The following PKNOX2 variants were observed in gnomAD, a reference collection of about 807,000 sequenced individuals.
PKNOX2 encodes the protein PBX/knotted 1 homeobox 2.
A neutral mutation model predicts 53.1 loss-of-function variants in PKNOX2; 14 were observed. The observed-to-expected ratio is 0.26, with a 90% CI of 0.17 to 0.41. The LOEUF (loss-of-function observed/expected upper bound fraction) is 0.41, where lower values mean the gene tolerates loss of function less well. Ranked by LOEUF, PKNOX2 falls within the 10% of genes least tolerant of loss-of-function variation. PKNOX2 has a pLI of 1.00. For synonymous variants in PKNOX2, 257 were observed against 242.8 expected, an observed-to-expected ratio of 1.06 and a Z score of -0.54; for missense variants, 496 against 602.8, an observed-to-expected ratio of 0.82 and a Z score of 1.85.
At chr11:125,295,610 C>T (rs911523131) in intron 2 of PKNOX2, among the ~76,000 whole-genome samples, 1 of 152,252 alleles carries the variant, frequency 6.6e-6, no homozygotes, top group South Asian at 2.1e-4. Flanking sequence ...AGCAAGGAAG[C>T]TTGGGGGTGT....
chr11:125,355,122 C>G (rs1401394078), intron 4 of PKNOX2, among the ~76,000 whole-genome samples: 1 of 152,002 alleles, frequency 6.6e-6, no homozygotes, highest in African/African-American at 2.4e-5. Context: ...CAAAAAGTAG[C>G]CAGACATGGT....
At chr11:125,222,454 A>G (rs1941242727) in intron 1 of PKNOX2, among the ~76,000 whole-genome samples, 1 of 152,086 alleles carries the variant, frequency 6.6e-6, no homozygotes, top group Non-Finnish European at 1.5e-5. Context: ...TCTCACAAAA[A>G]TTCTCACCTG....
intron 2 of PKNOX2, among the ~76,000 whole-genome samples, chr11:125,317,543 C>T (rs920141910): frequency 6.6e-6 from 1 of 152,204 alleles, no homozygotes; most frequent in African/African-American, 2.4e-5. Flanking sequence ...CCTTGTACAT[C>T]TCCATCAGAG....
intron 1 of PKNOX2, among the ~76,000 whole-genome samples, chr11:125,194,790 C>T (rs1473960743): frequency 3.3e-5 from 5 of 152,114 alleles, no homozygotes; most frequent in South Asian, 4.1e-4. Context: ...AAGATGCTGC[C>T]GTCCATTGAG....
chr11:125,227,864 GGCA>G (rs1345594839), intron 1 of PKNOX2, among the ~76,000 whole-genome samples: 1 of 152,198 alleles, frequency 6.6e-6, no homozygotes, highest in Non-Finnish European at 1.5e-5. Context: ...CTGGGTCTGT[GGCA>G]CCTGCTGCAA....
chr11:125,353,945 C>T (rs1158683393), intron 4 of PKNOX2, among the ~76,000 whole-genome samples: 1 of 152,030 alleles, frequency 6.6e-6, no homozygotes, highest in Non-Finnish European at 1.5e-5. Flanking sequence ...GATGGGGGAG[C>T]TGGGGGATGC....
intron 10 of PKNOX2, among the ~76,000 whole-genome samples, chr11:125,420,108 G>T (rs558707065): frequency 4.0e-5 from 6 of 151,158 alleles, no homozygotes; most frequent in African/African-American, 1.5e-4. Context: ...GATCATTTGA[G>T]CCCAGGAGGT....
chr11:125,282,867 G>A (rs1418168860), intron 2 of PKNOX2, among the ~76,000 whole-genome samples: 1 of 152,158 alleles, frequency 6.6e-6, no homozygotes, highest in Non-Finnish European at 1.5e-5. Context: ...ATTTCACATA[G>A]CCAGCCGGGC....
intron 2 of PKNOX2, among the ~76,000 whole-genome samples, chr11:125,268,411 C>G (rs188867967): frequency 6.6e-6 from 1 of 152,192 alleles, no homozygotes; most frequent in Non-Finnish European, 1.5e-5. Context: ...GCTCCTTGAC[C>G]GCTTCACAGG....
In PKNOX2 at chr11:125,370,320, T is replaced by G. The variant is rs945754150; in HGVS notation, c.227+2335T>G. 1.5e-4 allele frequency among the ~76,000 whole-genome samples: 23 copies of G among 152,140 alleles called. No individual in the cohort carries two copies. Among genetic ancestry groups the G allele is most frequent in the African/African-American group, 5.6e-4 (23 of 41,426 alleles). ...GGAACCATGGGTTCCAAAGCCCTTC[T>G]CACAATCCCAGGCTCGTACCCTACC... On this transcript the variant is annotated intron_variant, in intron 5 of 12. Coordinates refer to ENST00000298282, the MANE Select transcript of PKNOX2 (RefSeq NM_001382323.2). This position sits in a 1 kb window ranked among gnomAD's most constrained non-coding sequence, Gnocchi z 4.1.
chr11:125,251,668 G>A (rs1299680126), intron 2 of PKNOX2, among the ~76,000 whole-genome samples: 4 of 151,656 alleles, frequency 2.6e-5, no homozygotes, highest in South Asian at 2.1e-4. Context: ...TCTGAGGTCC[G>A]CCTGCCTTTC....
At chr11:125,264,576 G>T (rs868445603) in intron 2 of PKNOX2, among the ~76,000 whole-genome samples, 2 of 152,196 alleles carry the variant, frequency 1.3e-5, no homozygotes, top group Middle Eastern at 3.4e-3. Context: ...ATTCTCGGGT[G>T]GGGTGGCGGG....
At chr11:125,333,674 G>A (rs1409432954) in intron 3 of PKNOX2, among the ~76,000 whole-genome samples, 1 of 152,130 alleles carries the variant, frequency 6.6e-6, no homozygotes, top group East Asian at 1.9e-4. Context: ...GGTGCAACTG[G>A]CAAGGACAAT....
intron 2 of PKNOX2, among the ~76,000 whole-genome samples, chr11:125,300,350 ATT>A (rs1405508866): frequency 4.6e-5 from 7 of 152,242 alleles, no homozygotes; most frequent in African/African-American, 1.4e-4. Context: ...TGCTAAACAC[ATT>A]ACATGTATTA....
At chr11:125,335,490 A>T (rs558187922) in intron 3 of PKNOX2, among the ~76,000 whole-genome samples, 1 of 150,244 alleles carries the variant, frequency 6.7e-6, no homozygotes, top group South Asian at 2.1e-4. Context: ...TTGGATTCTC[A>T]CTCCCCTCTC....
At chr11:125,243,329 T>C (rs56210320) in intron 2 of PKNOX2, among the ~76,000 whole-genome samples, 44,421 of 151,902 alleles carry the variant, frequency 0.29, 6,734 homozygotes, top group Non-Finnish European at 0.33. Context: ...TCTCCCCTTC[T>C]GGGTGGACTG....
intron 2 of PKNOX2, among the ~76,000 whole-genome samples, chr11:125,279,221 C>T (rs1009991472): frequency 6.6e-6 from 1 of 152,178 alleles, no homozygotes; most frequent in Non-Finnish European, 1.5e-5. Flanking sequence ...CTGTGAACCG[C>T]AGTGAGCAAG....
At chr11:125,185,452 C>T (rs1284384509) in intron 1 of PKNOX2, among the ~76,000 whole-genome samples, 1 of 152,138 alleles carries the variant, frequency 6.6e-6, no homozygotes, top group African/African-American at 2.4e-5. Flanking sequence ...CAAACTTCAC[C>T]ATATATATTT....
chr11:125,409,454 A>G (rs1955348669), intron 7 of PKNOX2, among the ~76,000 whole-genome samples: 1 of 152,216 alleles, frequency 6.6e-6, no homozygotes, highest in Admixed American at 6.5e-5. Flanking sequence ...AACAGGATCG[A>G]TGCCATGTGC....
Sources: gnomAD v4.1 joint callset for allele counts (sites outside exome capture counted in the v4.1 genomes callset) on GRCh38, gnomAD v4.1.1 for gene constraint, Gnocchi (gnomAD v3.1) non-coding constraint, MANE v1.5 for transcripts, NCBI Gene and HGNC (gene_info 2026-07-23, HGNC 2026-07-21) for gene names.